The following GPC6 variants were observed in gnomAD, a reference collection of about 807,000 sequenced individuals.
The protein encoded by GPC6 is glypican-6.
GPC6 carries 14 observed loss-of-function variants against 55.2 expected under a neutral mutation model. The observed-to-expected ratio is 0.25, with a 90% CI of 0.17 to 0.40. GPC6 has a LOEUF of 0.40. Among genes scored for constraint, GPC6 ranks in the 10% least tolerant of loss-of-function variants. GPC6 has a pLI of 1.00. For synonymous variants in GPC6, 278 were observed against 259.6 expected, an observed-to-expected ratio of 1.07 and a Z score of -0.68; for missense variants, 641 against 708.5, an observed-to-expected ratio of 0.90 and a Z score of 1.08.
chr13:94,278,942 T>A (rs1430960461), intron 4 of GPC6, among the ~76,000 whole-genome samples: 1 of 152,218 alleles, frequency 6.6e-6, no homozygotes, highest in Non-Finnish European at 1.5e-5. Context: ...AGTATGATGC[T>A]GGCTTCATAA....
chr13:94,254,198 T>C (rs1891438008), intron 4 of GPC6, among the ~76,000 whole-genome samples: 1 of 152,172 alleles, frequency 6.6e-6, no homozygotes, highest in Non-Finnish European at 1.5e-5. Context: ...CCTTTCTTCC[T>C]GAGCTGTAGG....
rs189400681 is a variant in GPC6, at chr13:93,299,766, C to T, written c.160+72150C>T. On this transcript the variant is annotated intron_variant, in intron 1 of 8. Coordinates refer to ENST00000377047, the MANE Select transcript of GPC6 (RefSeq NM_005708.5). The stretch of plus-strand genomic sequence containing the variant: ...CTTAGTTTTATTTCTGGTGCAGTTA[C>T]TCTTTTTAAAGTTATAAATTATATG... 7.6e-4 allele frequency among the ~76,000 whole-genome samples: 115 copies of T among 152,308 alleles called. 1 individual carries two copies. The highest frequency in any genetic ancestry group is 3.4e-3 in the Middle Eastern group (1 of 294).
intron 4 of GPC6, among the ~76,000 whole-genome samples, chr13:94,090,751 G>T (rs1885450895): frequency 6.6e-6 from 1 of 152,082 alleles, no homozygotes; most frequent in African/African-American, 2.4e-5. Flanking sequence ...GTCTGGGTGG[G>T]TGAGGAAATT....
At chr13:94,336,698 A>C (rs1196793965) in intron 6 of GPC6, among the ~76,000 whole-genome samples, 1 of 152,190 alleles carries the variant, frequency 6.6e-6, no homozygotes, top group Non-Finnish European at 1.5e-5. Flanking sequence ...AACAACAACA[A>C]CAAAAGAAAG....
At chr13:94,393,988 C>T (rs529610403) in intron 7 of GPC6, among the ~76,000 whole-genome samples, 1 of 152,164 alleles carries the variant, frequency 6.6e-6, no homozygotes, top group Non-Finnish European at 1.5e-5. Context: ...TGGGGATGGT[C>T]CTGTTTAATA....
intron 6 of GPC6, among the ~76,000 whole-genome samples, chr13:94,371,322 C>G (rs1364594705): frequency 1.3e-5 from 2 of 152,126 alleles, no homozygotes; most frequent in East Asian, 3.9e-4. Flanking sequence ...CTTGCACACC[C>G]CCAGAGATGC....
intron 1 of GPC6, among the ~76,000 whole-genome samples, chr13:93,515,951 C>T (rs1438279965): frequency 6.6e-6 from 1 of 152,126 alleles, no homozygotes; most frequent in Non-Finnish European, 1.5e-5. Context: ...GCAAAACTCA[C>T]ATAGTGGCTT....
chr13:94,226,373 G>A (rs1890558821), intron 4 of GPC6, among the ~76,000 whole-genome samples: 1 of 152,010 alleles, frequency 6.6e-6, no homozygotes, highest in South Asian at 2.1e-4. Flanking sequence ...ACATTAGGAT[G>A]GCTATAGCTA....
At chr13:93,666,345 A>T (rs545627510) in intron 2 of GPC6, among the ~76,000 whole-genome samples, 13 of 144,420 alleles carry the variant, frequency 9.0e-5, no homozygotes, top group African/African-American at 3.1e-4. Context: ...TTTATACTTT[A>T]AAAAAAAAAA....
At chr13:93,831,733 C>T (rs73551728) in intron 3 of GPC6, among the ~76,000 whole-genome samples, 4,264 of 151,910 alleles carry the variant, frequency 0.028, 75 homozygotes, top group South Asian at 0.064. Flanking sequence ...TCTAGGAAGG[C>T]GCTGAAGGAA....
intron 4 of GPC6, among the ~76,000 whole-genome samples, chr13:94,226,665 G>A (rs922621820): frequency 4.6e-5 from 7 of 152,128 alleles, no homozygotes; most frequent in Admixed American, 3.3e-4. Flanking sequence ...CTTACTGCAT[G>A]ACGGTTTCTT....
chr13:93,622,839 G>C (rs1427249340), intron 2 of GPC6, among the ~76,000 whole-genome samples: 1 of 152,030 alleles, frequency 6.6e-6, no homozygotes, highest in Non-Finnish European at 1.5e-5. Flanking sequence ...CTGTGAAATA[G>C]AGTACCAGAA....
chr13:93,246,413 A>G (rs951590334), intron 1 of GPC6, among the ~76,000 whole-genome samples: 3 of 151,664 alleles, frequency 2.0e-5, no homozygotes, highest in South Asian at 4.2e-4. Context: ...AACTAGAGGT[A>G]TTTTTTTTCT....
chr13:93,369,856 A>T (rs1371820924), intron 1 of GPC6, among the ~76,000 whole-genome samples: 1 of 152,182 alleles, frequency 6.6e-6, no homozygotes, highest in Admixed American at 6.5e-5. Flanking sequence ...TTAAATTCAT[A>T]TCTATCAAGA....
chr13:93,641,633 C>T (rs1166077379), intron 2 of GPC6, among the ~76,000 whole-genome samples: 2 of 152,080 alleles, frequency 1.3e-5, no homozygotes, highest in East Asian at 1.9e-4. Flanking sequence ...GGACCCTTCA[C>T]CTCACCAGAG....
intron 1 of GPC6, among the ~76,000 whole-genome samples, chr13:93,262,668 G>C (rs1360237094): frequency 6.6e-6 from 1 of 152,082 alleles, no homozygotes. Context: ...AATTTATCTG[G>C]AAATGTATTC....
intron 1 of GPC6, among the ~76,000 whole-genome samples, chr13:93,351,276 T>A (rs1402025776): frequency 6.6e-6 from 1 of 152,176 alleles, no homozygotes; most frequent in Non-Finnish European, 1.5e-5. Flanking sequence ...TATTATATTC[T>A]CAATGATTAA....
intron 6 of GPC6, among the ~76,000 whole-genome samples, chr13:94,365,453 A>T (rs1449184852): frequency 1.3e-5 from 2 of 152,224 alleles, no homozygotes; most frequent in African/African-American, 4.8e-5. Context: ...TAGCATAAAT[A>T]TAACACAAGA....
At chr13:93,790,587 C>T (rs543589094) in intron 2 of GPC6, among the ~76,000 whole-genome samples, 1 of 152,210 alleles carries the variant, frequency 6.6e-6, no homozygotes, top group South Asian at 2.1e-4. Context: ...TAGATGATAC[C>T]ATACCTCCAG....
Sources: allele counts gnomAD v4.1 joint callset (sites outside exome capture counted in the v4.1 genomes callset), GRCh38; gene constraint gnomAD v4.1.1; transcripts MANE v1.5; gene names NCBI Gene and HGNC (gene_info 2026-07-23, HGNC 2026-07-21).